The following EFR3B variants were observed in gnomAD, a reference collection of about 807,000 sequenced individuals.
The protein encoded by EFR3B is protein EFR3 homolog B.
In EFR3B, 64 loss-of-function variants were observed where a neutral mutation model predicts 104.7. That is an observed-to-expected ratio of 0.61 (90% CI 0.50 to 0.75). EFR3B has a LOEUF of 0.75. Among genes scored for constraint, EFR3B ranks in the 30% least tolerant of loss-of-function variants. EFR3B has a pLI of 0.00. For synonymous variants in EFR3B, 385 were observed against 417.9 expected (o/e 0.92, Z 0.96); for missense variants, 750 against 1,078.5 (o/e 0.70, Z 4.27).
At chr2:25,133,526 A>T in intron 12 of EFR3B, 92 bp downstream of exon 12, 1 of 1,316,846 alleles carries the variant, frequency 7.6e-7, no homozygotes, top group African/African-American at 1.5e-5. Context: ...ACAGTCGTGC[A>T]TGTGGCATAC....
At chr2:25,074,394 C>A (rs894656107) in intron 1 of EFR3B, among the ~76,000 whole-genome samples, 1 of 151,946 alleles carries the variant, frequency 6.6e-6, no homozygotes, top group Non-Finnish European at 1.5e-5. Flanking sequence ...GGCAAAATCC[C>A]GTCTCTACTA....
intron 1 of EFR3B, among the ~76,000 whole-genome samples, chr2:25,079,000 T>C (rs1668713626): frequency 6.6e-6 from 1 of 152,154 alleles, no homozygotes; most frequent in Non-Finnish European, 1.5e-5. Context: ...CTTCTCACTG[T>C]GGACTCTGGC....
At position 25,081,243 on chromosome 2, in the gene EFR3B, ACTC is replaced by A. The variant is rs1211910280; in HGVS notation, c.8-10076_8-10074del. ...TTCTTCTGGAGAGAAAACTATCTTCACTCCTCCTTTGAGGCCACTTTCAAATGT... is the reference window on the plus strand; with the variant it reads ...TTCTTCTGGAGAGAAAACTATCTTCACTCCTTTGAGGCCACTTTCAAATGT... On this transcript the variant is annotated intron_variant, in intron 1 of 22. Coordinates refer to ENST00000403714, the MANE Select transcript of EFR3B (RefSeq NM_014971.2). The A allele has an allele frequency of 2.9e-6, 3 of 1,022,282 alleles. No homozygotes were observed. In the African/African-American group the frequency reaches 4.8e-5, roughly 16 times the overall value. 63.3% of individuals were successfully genotyped at this position (1,022,282 alleles called of 1,614,324 possible).
intron 1 of EFR3B, among the ~76,000 whole-genome samples, chr2:25,053,073 T>C (rs1407383679): frequency 6.6e-6 from 1 of 152,170 alleles, no homozygotes; most frequent in Non-Finnish European, 1.5e-5. Flanking sequence ...TTCTGAATAG[T>C]CCAGAGAATA....
Position 25,133,030 on chromosome 2 carries a change from C to A in EFR3B, c.1259+16C>A. ...GCAGGACGGGGTGAGCCACCAATCT[C>A]CCCCAGCCTGGAGTCCTCCTCTCCC... On this transcript the variant is annotated intron_variant, in intron 11 of 22. Transcript: ENST00000403714. 1.3e-6 allele frequency: 2 copies of A among 1,547,330 alleles called. No individual in the cohort carries two copies. Among genetic ancestry groups the A allele is most frequent in the Non-Finnish European group, 1.7e-6 (2 of 1,143,172 alleles).
rs559679980 is a variant in EFR3B, at chr2:25,091,520, T to C, written c.84+119T>C. ...GGAAGGCAGGGCCTCTCAGGGTCCC[T>C]GGGCACTGAGCCTTCCCAGAGAAAC... is the stretch of plus-strand genomic sequence containing the variant. On this transcript the variant is annotated intron_variant, in intron 2 of 22. Transcript: ENST00000403714. The C allele has an allele frequency of 5.7e-6, 5 of 880,732 alleles. No homozygotes were observed. In the Admixed American group the frequency reaches 9.4e-5, roughly 17 times the overall value. 54.6% of individuals were successfully genotyped at this position (880,732 alleles called of 1,614,324 possible). A position where few individuals can be genotyped will look rare whatever the true frequency, so the allele number is the denominator to read the frequency against.
At chr2:25,086,998 G>A (rs978583235) in intron 1 of EFR3B, among the ~76,000 whole-genome samples, 1 of 152,194 alleles carries the variant, frequency 6.6e-6, no homozygotes, top group African/African-American at 2.4e-5. Flanking sequence ...AATTTATAAA[G>A]GAAAGAGCTT....
intron 1 of EFR3B, chr2:25,080,365 G>A: frequency 1.8e-6 from 1 of 561,258 alleles, no homozygotes; most frequent in Non-Finnish European, 3.1e-6. Context: ...CACCATCTCG[G>A]CTCACTGCAA....
In EFR3B at chr2:25,104,932, GCTT is replaced by G. The variant is rs142127044; in HGVS notation, c.363+1149_363+1151del. Among the ~76,000 whole-genome samples the G allele has an allele frequency of 3.4e-3, 516 of 152,278 alleles. 6 individuals are homozygous for G. The highest frequency in any genetic ancestry group is 0.012 in the African/African-American group (496 of 41,552). ...CTATCAGATATGTCAGAAACTCCCT[GCTT>G]CTTGTGTGCATTTAAACATACTCCC... On this transcript the variant is annotated intron_variant, in intron 4 of 22. Coordinates refer to ENST00000403714, the MANE Select transcript of EFR3B (RefSeq NM_014971.2).
Position 25,135,495 on chromosome 2 carries a change from T to C in EFR3B, c.1340T>C (p.Met447Thr). The change falls in exon 13 of 23, where the codon ATG (methionine) becomes ACG (threonine). Residue 447 changes from methionine to threonine, a missense_variant. Met to Thr is a moderately conservative substitution (Grantham distance 81, BLOSUM62 -1). Coordinates refer to ENST00000403714, the MANE Select transcript of EFR3B (RefSeq NM_014971.2). ...QVSTGFQCNN[M>T]MSALPSNFLD... ...TCCACAGGTTTCCAGTGCAACAACA[T>C]GATGTCAGCCCTGCCTAGCAACTTC... 6.4e-7 allele frequency: 1 copy of C among 1,551,750 alleles called. No homozygotes were observed. Among genetic ancestry groups the C allele is most frequent in the Non-Finnish European group, 8.7e-7 (1 of 1,147,004 alleles).
At position 25,157,238 on chromosome 2, in the gene EFR3B, T is replaced by G. The variant is rs1671199166; in HGVS notation, c.*2898T>G. The G allele has an allele frequency of 1.3e-5, 2 of 152,202 alleles. No homozygotes were observed. Among genetic ancestry groups the G allele is most frequent in the Non-Finnish European group, 2.9e-5 (2 of 68,038 alleles). The allele number at this position is 152,202 out of a possible 1,614,324, so 9.4% of individuals were successfully genotyped here. On this transcript the variant is annotated 3_prime_UTR_variant, in exon 23 of 23. Transcript: ENST00000403714. ...TTTGAGTGCCCTCTTCTCAGTTTTG[T>G]TTAAACTTACACTCAGTAGAGTGTT...
chr2:25,090,008 C>T (rs981828460), intron 1 of EFR3B, among the ~76,000 whole-genome samples: 1 of 152,180 alleles, frequency 6.6e-6, no homozygotes, highest in South Asian at 2.1e-4. Flanking sequence ...ACCCCATCCC[C>T]CTCCCAATCA....
chr2:25,126,738 T>C (rs1339927645), intron 5 of EFR3B, among the ~76,000 whole-genome samples: 1 of 151,916 alleles, frequency 6.6e-6, no homozygotes, highest in Non-Finnish European at 1.5e-5. Flanking sequence ...TCAAGCTATA[T>C]ACTGGCCTTG....
chr2:25,053,457 C>T (rs1667935996), intron 1 of EFR3B, among the ~76,000 whole-genome samples: 2 of 152,150 alleles, frequency 1.3e-5, no homozygotes, highest in Non-Finnish European at 2.9e-5. Context: ...TGGGGTGTCA[C>T]CACCAAGGCT....
chr2:25,147,713 G>A (rs1399654760), intron 19 of EFR3B: 2 of 152,146 alleles, frequency 1.3e-5, no homozygotes, highest in African/African-American at 2.4e-5. Context: ...TTTTGCTTAA[G>A]ATTATGTTTA....
intron 10 of EFR3B, among the ~76,000 whole-genome samples, chr2:25,132,586 TC>T (rs1670377771): frequency 6.7e-6 from 1 of 150,038 alleles, no homozygotes; most frequent in Non-Finnish European, 1.5e-5. Flanking sequence ...GAACTCGGGC[TC>T]CCCCCGACCC....
intron 11 of EFR3B, 37 bp downstream of exon 11, chr2:25,133,051 C>G (rs1329182820): frequency 2.0e-6 from 3 of 1,516,906 alleles, no homozygotes; most frequent in Non-Finnish European, 2.7e-6. Context: ...GAGTCCTCCT[C>G]TCCCCCAGCT....
At chr2:25,077,999 C>T (rs1004312630) in intron 1 of EFR3B, among the ~76,000 whole-genome samples, 12 of 152,166 alleles carry the variant, frequency 7.9e-5, no homozygotes, top group Non-Finnish European at 1.5e-4. Flanking sequence ...TTCCAGGAAG[C>T]CTTCCTAGAT....
intron 5 of EFR3B, among the ~76,000 whole-genome samples, chr2:25,125,303 G>A (rs1023751273): frequency 4.6e-5 from 7 of 152,202 alleles, no homozygotes; most frequent in Admixed American, 1.3e-4. Context: ...CCAACCAGGC[G>A]TTGTTTCCTG....
Sources: allele counts gnomAD v4.1 joint callset (sites outside exome capture counted in the v4.1 genomes callset), GRCh38; gene constraint gnomAD v4.1.1; transcripts MANE v1.5; gene names NCBI Gene and HGNC (gene_info 2026-07-23, HGNC 2026-07-21).